Variants in ZNF407 observed in about 807,000 individuals in gnomAD.
The protein encoded by ZNF407 is zinc finger protein 407.
Under a neutral mutation model 131.2 loss-of-function variants are expected in ZNF407, and 17 were observed. That is an observed-to-expected ratio of 0.13 (90% CI 0.09 to 0.19). The LOEUF (loss-of-function observed/expected upper bound fraction) is 0.19. Among genes scored for constraint, ZNF407 ranks in the 10% least tolerant of loss-of-function variants. ZNF407 has a pLI of 1.00. For synonymous variants in ZNF407, 1,156 were observed against 1,062.0 expected, an observed-to-expected ratio of 1.09 and a Z score of -1.72; for missense variants, 2,681 against 2,830.6, an observed-to-expected ratio of 0.95 and a Z score of 1.20.
intron 1 of ZNF407, among the ~76,000 whole-genome samples, chr18:74,624,588 C>T (rs1983707386): frequency 1.3e-5 from 2 of 152,214 alleles, no homozygotes; most frequent in South Asian, 4.1e-4. Context: ...CTTCCTAAAG[C>T]AGGGCTGTGT....
chr18:74,728,592 G>GTGT (rs2144888819), intron 3 of ZNF407, among the ~76,000 whole-genome samples: 1 of 152,332 alleles, frequency 6.6e-6, no homozygotes, highest in East Asian at 1.9e-4. Context: ...ACAGATTGAG[G>GTGT]TGTTGGTGGG....
At chr18:74,706,825 G>T (rs1967634438) in intron 3 of ZNF407, among the ~76,000 whole-genome samples, 1 of 152,078 alleles carries the variant, frequency 6.6e-6, no homozygotes, top group East Asian at 1.9e-4. Context: ...CATTCTCCGT[G>T]ATGGACACAA....
At chr18:75,049,384 C>T (rs984096577) in intron 8 of ZNF407, among the ~76,000 whole-genome samples, 9 of 151,766 alleles carry the variant, frequency 5.9e-5, no homozygotes, top group African/African-American at 9.7e-5. Flanking sequence ...CTTATTTGTC[C>T]GGTTCCTGAA....
At chr18:74,716,514 A>G (rs1045348965) in intron 3 of ZNF407, among the ~76,000 whole-genome samples, 18 of 152,184 alleles carry the variant, frequency 1.2e-4, no homozygotes, top group African/African-American at 4.3e-4. Context: ...TTTATCTAGC[A>G]GTAAGGCAAC....
chr18:74,832,397 A>G (rs1283345869), intron 4 of ZNF407, among the ~76,000 whole-genome samples: 2 of 152,176 alleles, frequency 1.3e-5, no homozygotes, highest in East Asian at 3.9e-4. Flanking sequence ...GAGTAACTAG[A>G]TCAGGAAATT....
At chr18:74,967,907 A>G (rs372574265) in intron 8 of ZNF407, among the ~76,000 whole-genome samples, 3 of 152,344 alleles carry the variant, frequency 2.0e-5, no homozygotes, top group East Asian at 3.9e-4. Context: ...CAACCTACAC[A>G]GTCTCTTGAC....
chr18:74,912,148 G>A (rs1971682281), intron 7 of ZNF407, among the ~76,000 whole-genome samples: 2 of 152,116 alleles, frequency 1.3e-5, no homozygotes, highest in Admixed American at 6.5e-5. Flanking sequence ...TAACATCTGT[G>A]CCAAGCTCTC....
At chr18:74,947,646 C>A (rs538823630) in intron 8 of ZNF407, among the ~76,000 whole-genome samples, 24 of 152,178 alleles carry the variant, frequency 1.6e-4, no homozygotes, top group Non-Finnish European at 3.5e-4. Context: ...ACACTAGCGT[C>A]CCAGGTACCA....
At chr18:74,970,867 C>T (rs1251482595) in intron 8 of ZNF407, among the ~76,000 whole-genome samples, 8 of 152,236 alleles carry the variant, frequency 5.3e-5, no homozygotes, top group Non-Finnish European at 1.2e-4. Flanking sequence ...GCACGCTGCC[C>T]TAGCAGAGGC....
At chr18:75,027,875 C>A (rs960288659) in intron 8 of ZNF407, among the ~76,000 whole-genome samples, 1 of 152,140 alleles carries the variant, frequency 6.6e-6, no homozygotes, top group Non-Finnish European at 1.5e-5. Flanking sequence ...TAGCTACTGC[C>A]CACGAGACAT....
intron 7 of ZNF407, among the ~76,000 whole-genome samples, chr18:74,891,499 G>C (rs1971384432): frequency 6.6e-6 from 1 of 152,164 alleles, no homozygotes; most frequent in Admixed American, 6.5e-5. Flanking sequence ...ATTGCATTAA[G>C]TTTTATGTGA....
intron 8 of ZNF407, among the ~76,000 whole-genome samples, chr18:74,951,689 G>A (rs1311045502): frequency 6.6e-6 from 1 of 151,774 alleles, no homozygotes; most frequent in Non-Finnish European, 1.5e-5. Flanking sequence ...TTCCCTCTTT[G>A]TATGTAGGTT....
chr18:74,830,841 G>A (rs559066643), intron 4 of ZNF407, among the ~76,000 whole-genome samples: 116 of 152,142 alleles, frequency 7.6e-4, no homozygotes, highest in African/African-American at 2.2e-3. Context: ...GTCCTACAGC[G>A]GTATCTAACC....
intron 4 of ZNF407, among the ~76,000 whole-genome samples, chr18:74,796,413 A>G (rs1431006815): frequency 2.0e-5 from 3 of 152,226 alleles, no homozygotes; most frequent in Non-Finnish European, 2.9e-5. Flanking sequence ...AAAGCAGGCA[A>G]ATGCACTTGT....
chr18:74,800,196 GACTT>G (rs1001360361), intron 4 of ZNF407, among the ~76,000 whole-genome samples: 2 of 151,948 alleles, frequency 1.3e-5, no homozygotes, highest in African/African-American at 4.8e-5. Flanking sequence ...TGAAAAGATA[GACTT>G]ACTTAAATTT....
chr18:74,617,467 A>G (rs1256088030), intron 1 of ZNF407, among the ~76,000 whole-genome samples: 1 of 152,218 alleles, frequency 6.6e-6, no homozygotes, highest in Non-Finnish European at 1.5e-5. Context: ...ATATTTTTGT[A>G]TGAAGCCTTT....
intron 3 of ZNF407, among the ~76,000 whole-genome samples, chr18:74,696,257 A>T (rs1297644323): frequency 6.6e-6 from 1 of 152,216 alleles, no homozygotes; most frequent in Non-Finnish European, 1.5e-5. Context: ...TACTTTTGGT[A>T]GTTTCAAAAA....
At chr18:74,952,895 A>G (rs538343431) in intron 8 of ZNF407, among the ~76,000 whole-genome samples, 17 of 152,306 alleles carry the variant, frequency 1.1e-4, no homozygotes, top group African/African-American at 3.8e-4. Flanking sequence ...GGAATGGTTG[A>G]CGGAACACGA....
At chr18:75,002,404 G>A (rs1044463303) in intron 8 of ZNF407, among the ~76,000 whole-genome samples, 58 of 152,128 alleles carry the variant, frequency 3.8e-4, no homozygotes, top group Non-Finnish European at 8.2e-4. Context: ...GAGAAGGAAA[G>A]AGTAGACTGG....
Sources: gnomAD v4.1 joint callset for allele counts (sites outside exome capture counted in the v4.1 genomes callset) on GRCh38, gnomAD v4.1.1 for gene constraint, MANE v1.5 for transcripts, NCBI Gene and HGNC (gene_info 2026-07-23, HGNC 2026-07-21) for gene names.